NRG1: variants seen among roughly 807,000 people sequenced by gnomAD.
The protein encoded by NRG1 is pro-neuregulin-1, membrane-bound isoform.
In NRG1, 18 loss-of-function variants were observed where a neutral mutation model predicts 63.8. The ratio of observed to expected loss-of-function variants is 0.28; its 90% confidence interval spans 0.19 to 0.42. The LOEUF is 0.42. Among genes scored for constraint, NRG1 ranks in the 10% least tolerant of loss-of-function variants. NRG1 has a pLI of 1.00. For synonymous variants in NRG1, 302 were observed against 301.3 expected (o/e 1.00, Z -0.02); for missense variants, 762 against 814.7 (o/e 0.94, Z 0.79).
At chr8:32,037,100 C>T (rs770373959) in intron 1 of NRG1, among the ~76,000 whole-genome samples, 2 of 152,166 alleles carry the variant, frequency 1.3e-5, no homozygotes, top group Admixed American at 6.5e-5. Flanking sequence ...AGGCTGCTGA[C>T]CTTTGGATGA....
chr8:32,078,858 T>G (rs970035010), intron 1 of NRG1, among the ~76,000 whole-genome samples: 4 of 152,152 alleles, frequency 2.6e-5, no homozygotes, highest in Non-Finnish European at 5.9e-5. Context: ...TTCTCTCTGT[T>G]GAGTGAGGGC....
intron 1 of NRG1, among the ~76,000 whole-genome samples, chr8:32,574,466 A>G (rs1281107705): frequency 6.6e-6 from 1 of 152,108 alleles, no homozygotes; most frequent in Admixed American, 6.5e-5. Context: ...GTAATCTCCA[A>G]TATTGGGGGT....
intron 1 of NRG1, among the ~76,000 whole-genome samples, chr8:32,390,254 C>G (rs537425729): frequency 9.2e-5 from 14 of 152,180 alleles, no homozygotes; most frequent in African/African-American, 2.9e-4. Flanking sequence ...CCTATTTATC[C>G]TTGAGATTTC....
At chr8:32,054,326 CTT>C (rs928608685) in intron 1 of NRG1, among the ~76,000 whole-genome samples, 7 of 152,152 alleles carry the variant, frequency 4.6e-5, no homozygotes, top group African/African-American at 1.7e-4. Context: ...TGGTCAATAT[CTT>C]TATCTTTGTA....
chr8:31,815,588 G>A (rs1046793774), intron 1 of NRG1, among the ~76,000 whole-genome samples: 20 of 151,962 alleles, frequency 1.3e-4, no homozygotes, highest in African/African-American at 4.4e-4. Context: ...CCCTGCTTTC[G>A]GTTCTTATGG....
intron 1 of NRG1, among the ~76,000 whole-genome samples, chr8:31,694,396 G>T (rs1809843473): frequency 1.3e-5 from 2 of 152,130 alleles, no homozygotes; most frequent in Non-Finnish European, 2.9e-5. Context: ...ATTTTTGAGA[G>T]TCTTTTGATG....
At chr8:32,230,090 T>C (rs6468091) in intron 1 of NRG1, among the ~76,000 whole-genome samples, 141,949 of 152,246 alleles carry the variant, frequency 0.93, 66,332 homozygotes, top group East Asian at 1. Flanking sequence ...AGTCAGGAAA[T>C]TCTACCTGGC....
intron 1 of NRG1, among the ~76,000 whole-genome samples, chr8:32,226,410 G>A (rs1265551156): frequency 1.3e-5 from 2 of 151,948 alleles, no homozygotes; most frequent in African/African-American, 4.8e-5. Context: ...AGACATTTTG[G>A]GTAACTACTA....
intron 1 of NRG1, among the ~76,000 whole-genome samples, chr8:32,440,464 G>A (rs1171941681): frequency 1.3e-5 from 2 of 152,074 alleles, no homozygotes; most frequent in Non-Finnish European, 2.9e-5. Flanking sequence ...CAGCCAAGAA[G>A]TGATTTGTAT....
chr8:32,648,984 C>A (rs1252022387), intron 5 of NRG1, among the ~76,000 whole-genome samples: 1 of 152,150 alleles, frequency 6.6e-6, no homozygotes, highest in Admixed American at 6.5e-5. Context: ...GCTGTCCTGC[C>A]CAGATGGCAC....
chr8:32,239,418 T>C (rs1417817680), intron 1 of NRG1, among the ~76,000 whole-genome samples: 1 of 151,606 alleles, frequency 6.6e-6, no homozygotes, highest in Non-Finnish European at 1.5e-5. Flanking sequence ...GCAATAAAAC[T>C]TTAGGAAACA....
chr8:31,679,951 A>G (rs1368650507), intron 1 of NRG1, among the ~76,000 whole-genome samples: 2 of 152,152 alleles, frequency 1.3e-5, no homozygotes, highest in South Asian at 2.1e-4. Context: ...TACCATTTAT[A>G]GTAGTATACA....
chr8:32,604,611 C>T (rs1055361872), intron 2 of NRG1, among the ~76,000 whole-genome samples: 6 of 152,118 alleles, frequency 3.9e-5, no homozygotes, highest in Non-Finnish European at 7.3e-5. Context: ...GACTGGAGTG[C>T]AGTGACTCTT....
intron 1 of NRG1, among the ~76,000 whole-genome samples, chr8:32,373,443 T>A (rs980932379): frequency 2.0e-5 from 3 of 151,358 alleles, no homozygotes; most frequent in Non-Finnish European, 4.4e-5. Flanking sequence ...ATAATTTTTT[T>A]AATTTATATG....
At chr8:32,049,196 C>T (rs1044884395) in intron 1 of NRG1, among the ~76,000 whole-genome samples, 2 of 152,104 alleles carry the variant, frequency 1.3e-5, no homozygotes, top group African/African-American at 4.8e-5. Context: ...GCTAAGGAAA[C>T]CCTGAGAAAT....
intron 1 of NRG1, among the ~76,000 whole-genome samples, chr8:31,760,299 A>C (rs1028277778): frequency 6.6e-6 from 1 of 152,130 alleles, no homozygotes; most frequent in Non-Finnish European, 1.5e-5. Context: ...CCATTTGTTA[A>C]ATAGGGAATC....
intron 1 of NRG1, among the ~76,000 whole-genome samples, chr8:32,264,918 C>T (rs905082386): frequency 6.6e-6 from 1 of 152,068 alleles, no homozygotes; most frequent in Non-Finnish European, 1.5e-5. Context: ...AGAAAAAGTT[C>T]AACGGAAATA....
intron 1 of NRG1, among the ~76,000 whole-genome samples, chr8:31,716,596 T>C (rs1185110840): frequency 2.0e-5 from 3 of 152,242 alleles, no homozygotes; most frequent in Non-Finnish European, 4.4e-5. Flanking sequence ...CAAATTCTTT[T>C]ATCAGCCAAT....
At chr8:32,340,964 G>A (rs1803999405) in intron 1 of NRG1, among the ~76,000 whole-genome samples, 1 of 152,198 alleles carries the variant, frequency 6.6e-6, no homozygotes, top group South Asian at 2.1e-4. Flanking sequence ...GGCCTGCAAA[G>A]CTACAACATT....
Sources: gnomAD v4.1 joint callset for allele counts (sites outside exome capture counted in the v4.1 genomes callset) on GRCh38, gnomAD v4.1.1 for gene constraint, MANE v1.5 for transcripts, NCBI Gene and HGNC (gene_info 2026-07-23, HGNC 2026-07-21) for gene names.